MECOM: variants seen among roughly 807,000 people sequenced by gnomAD.
MECOM encodes the protein MDS1 and EVI1 complex locus, also known as histone-lysine N-methyltransferase MECOM.
A neutral mutation model predicts 116.3 loss-of-function variants in MECOM; 13 were observed. The ratio of observed to expected loss-of-function variants is 0.11; its 90% CI spans 0.07 to 0.18. The LOEUF is 0.18. Ranked by LOEUF, MECOM falls within the 10% of genes least tolerant of loss-of-function variation. The probability of loss-of-function intolerance (pLI) is 1.00; values close to 1 mark genes in which losing one functional copy is unlikely to be tolerated. For missense variants in MECOM, 1,299 were observed against 1,509.0 expected (o/e 0.86, Z 2.31); for synonymous variants, 528 against 535.2 (o/e 0.99, Z 0.19).
chr3:169,248,144 A>C (rs1044118830), intron 2 of MECOM, among the ~76,000 whole-genome samples: 4 of 152,234 alleles, frequency 2.6e-5, no homozygotes, highest in African/African-American at 7.2e-5. Context: ...AGTTTCAAGT[A>C]ATTCTAAACT....
intron 2 of MECOM, among the ~76,000 whole-genome samples, chr3:169,255,564 A>G (rs1368738605): frequency 6.6e-6 from 1 of 152,220 alleles, no homozygotes; most frequent in East Asian, 1.9e-4. Context: ...ATACTTTGAC[A>G]TCATTATAAG....
chr3:169,659,609 G>C (rs141230394), intron 1 of MECOM, among the ~76,000 whole-genome samples: 16 of 152,172 alleles, frequency 1.1e-4, no homozygotes, highest in Admixed American at 2.0e-4. Context: ...TCCGTTGGGA[G>C]AAGGATTTTC....
chr3:169,287,905 T>A (rs1354633811), intron 2 of MECOM, among the ~76,000 whole-genome samples: 1 of 152,208 alleles, frequency 6.6e-6, no homozygotes, highest in Non-Finnish European at 1.5e-5. Flanking sequence ...GCCCAGGGCA[T>A]GATTCTGACT....
intron 1 of MECOM, among the ~76,000 whole-genome samples, chr3:169,455,115 A>C (rs559103116): frequency 6.6e-6 from 1 of 152,204 alleles, no homozygotes; most frequent in Non-Finnish European, 1.5e-5. Context: ...AAGGATGGGG[A>C]AAAAAAGAAT....
At position 169,146,394 on chromosome 3, in the gene MECOM, C is replaced by G. The variant is rs952281125; in HGVS notation, c.376-2562G>C. 84 of 1,388,630 alleles carry G rather than the reference C, an allele frequency of 6.0e-5. No homozygotes were observed. In the Middle Eastern group the frequency reaches 6.1e-4, roughly 10 times the overall value. The allele number at this position is 1,388,630 out of a possible 1,614,324, so 86.0% of individuals were successfully genotyped here. On this transcript the variant is annotated intron_variant, in intron 2 of 16. Coordinates refer to ENST00000651503, the MANE Select transcript of MECOM (RefSeq NM_004991.4). ...ACCGCACCTTGTGCGTCCCCGAAAC[C>G]GACGGACAGAGACACACGGAGGGAG...
rs1473237523 is a variant in MECOM at position 169,235,527 on chromosome 3, C to T, written c.376-91695G>A. ...ACATATGAAAACGTGTTTACTATTCCTGAAAAATAAAAAAGGAGGAATAAA... is the reference window on the plus strand; with the variant it reads ...ACATATGAAAACGTGTTTACTATTCTTGAAAAATAAAAAAGGAGGAATAAA... On this transcript the variant is annotated intron_variant, in intron 2 of 16. Coordinates refer to ENST00000651503, the MANE Select transcript of MECOM (RefSeq NM_004991.4). Among the ~76,000 whole-genome samples, 5 of 151,506 alleles carry T rather than the reference C, an allele frequency of 3.3e-5. No homozygotes were observed. The South Asian group carries it at 1.0e-3, about 32-fold the overall frequency.
intron 1 of MECOM, among the ~76,000 whole-genome samples, chr3:169,472,168 T>C (rs1749361262): frequency 6.6e-6 from 1 of 151,354 alleles, no homozygotes; most frequent in Admixed American, 6.6e-5. Context: ...ACCCAATAAA[T>C]ATACACACCA....
chr3:169,181,324 A>G (rs920684527), intron 2 of MECOM, among the ~76,000 whole-genome samples: 2 of 152,202 alleles, frequency 1.3e-5, no homozygotes, highest in Admixed American at 1.3e-4. Flanking sequence ...ATCAAAATTA[A>G]TAGTTTGGCT....
At chr3:169,629,917 C>T (rs1368332236) in intron 1 of MECOM, among the ~76,000 whole-genome samples, 1 of 152,204 alleles carries the variant, frequency 6.6e-6, no homozygotes, top group African/African-American at 2.4e-5. Context: ...TCCATCAAAG[C>T]GGAGCCTCCT....
rs1734831780 is a variant in MECOM, at chr3:169,131,882, C to G, written c.511-351G>C. 4 of 1,018,014 alleles carry G rather than the reference C, an allele frequency of 3.9e-6. No individual in the cohort carries two copies. The African/African-American group carries it at 5.2e-5, about 13-fold the overall frequency. The allele number at this position is 1,018,014 out of a possible 1,614,324, so 63.1% of individuals were successfully genotyped here. ...CCTCAAAGCACCCTAGCAAACCACA[C>G]GTACTCACAGAGTTGAATCCTGCCT... On this transcript the variant is annotated intron_variant, in intron 3 of 16. Coordinates refer to ENST00000651503, the MANE Select transcript of MECOM (RefSeq NM_004991.4).
In MECOM at chr3:169,593,397, C is replaced by T. The variant is rs915048539; in HGVS notation, c.37+69939G>A. ...CATAAATATTACAGCTAGACAAGAA[C>T]GCTGATGGAGAAAATTTCCCAATAG... On this transcript the variant is annotated intron_variant, in intron 1 of 16. Transcript: ENST00000651503. 1.3e-4 allele frequency among the ~76,000 whole-genome samples: 20 copies of T among 152,252 alleles called. 1 individual carries two copies. The East Asian group carries it at 1.3e-3, about 10-fold the overall frequency.
chr3:169,246,562 T>C (rs1302539683), intron 2 of MECOM, among the ~76,000 whole-genome samples: 1 of 143,480 alleles, frequency 7.0e-6, no homozygotes, highest in Admixed American at 7.4e-5. Flanking sequence ...GGAGTCTCAC[T>C]ATGTCACCCA....
chr3:169,457,615 T>C (rs1208882291), intron 1 of MECOM, among the ~76,000 whole-genome samples: 1 of 152,214 alleles, frequency 6.6e-6, no homozygotes, highest in Admixed American at 6.5e-5. Context: ...GCTCCATAAC[T>C]GTATTTTGAG....
intron 16 of MECOM, chr3:169,086,386 G>A (rs1239028712): frequency 3.4e-6 from 2 of 581,232 alleles, no homozygotes; most frequent in Non-Finnish European, 6.1e-6. Flanking sequence ...CCTACTTTTA[G>A]AGAACAAGAT....
chr3:169,515,971 C>T (rs1330212694), intron 1 of MECOM, among the ~76,000 whole-genome samples: 1 of 152,140 alleles, frequency 6.6e-6, no homozygotes, highest in Admixed American at 6.6e-5. Context: ...GGAAGCATCT[C>T]TTAAATAATC....
intron 1 of MECOM, among the ~76,000 whole-genome samples, chr3:169,487,491 C>A (rs917435003): frequency 6.6e-6 from 1 of 151,636 alleles, no homozygotes; most frequent in African/African-American, 2.4e-5. Flanking sequence ...CATTAAATAT[C>A]TATTTGTGCT....
rs537620887 is a variant in MECOM, at chr3:169,120,956, G to A, written c.1132+100C>T. ...GGATTGGACCATAAATAGCTAACAC[G>A]GTGACCCTCTAAAGGCCATGTGCAG... is the stretch of plus-strand genomic sequence containing the variant. On this transcript the variant is annotated intron_variant, in intron 7 of 16. Transcript: ENST00000651503. The A allele has an allele frequency of 5.6e-6, 7 of 1,246,518 alleles. No individual in the cohort carries two copies. The Admixed American group carries it at 7.5e-5, about 13-fold the overall frequency. 77.2% of individuals were successfully genotyped at this position (1,246,518 alleles called of 1,614,324 possible). A position where few individuals can be genotyped will look rare whatever the true frequency, so the allele number is the denominator to read the frequency against.
rs187071615 is a variant in MECOM at position 169,637,325 on chromosome 3, C to T, written c.37+26011G>A. Among the ~76,000 whole-genome samples, 198 of 152,236 alleles carry T rather than the reference C, an allele frequency of 1.3e-3. 3 individuals carry two copies. Among genetic ancestry groups the T allele is most frequent in the African/African-American group, 4.5e-3 (185 of 41,530 alleles). On this transcript the variant is annotated intron_variant, in intron 1 of 16. Coordinates refer to ENST00000651503, the MANE Select transcript of MECOM (RefSeq NM_004991.4). ...CCACCCAGATGAACTCAGTCAACAC[C>T]TAGAACTACAAAAAGTAATAATAAA...
chr3:169,300,933 A>T (rs759413285), intron 2 of MECOM, among the ~76,000 whole-genome samples: 26 of 152,326 alleles, frequency 1.7e-4, no homozygotes, highest in Non-Finnish European at 3.2e-4. Context: ...GGCTTCGCTC[A>T]ATAAGTGGCC....
Sources: allele counts gnomAD v4.1 joint callset (sites outside exome capture counted in the v4.1 genomes callset), GRCh38; gene constraint gnomAD v4.1.1; transcripts MANE v1.5; gene names NCBI Gene and HGNC (gene_info 2026-07-23, HGNC 2026-07-21).